The following SNX30 variants were observed in gnomAD, a reference collection of about 807,000 sequenced individuals.
The protein encoded by SNX30 is sorting nexin-30.
SNX30 carries 24 observed loss-of-function variants against 46.4 expected under a neutral mutation model. The ratio of observed to expected loss-of-function variants is 0.52; its 90% CI spans 0.37 to 0.73. The LOEUF is 0.73. Among genes scored for constraint, SNX30 ranks in the 30% least tolerant of loss-of-function variants. The probability of loss-of-function intolerance (pLI) is 0.00; values close to 1 mark genes in which losing one functional copy is unlikely to be tolerated. For synonymous variants in SNX30, 189 were observed against 211.5 expected, an observed-to-expected ratio of 0.89 and a Z score of 0.92; for missense variants, 533 against 555.7, an observed-to-expected ratio of 0.96 and a Z score of 0.41.
intron 7 of SNX30, among the ~76,000 whole-genome samples, chr9:112,862,699 C>T (rs1291512497): frequency 1.3e-5 from 2 of 151,806 alleles, no homozygotes; most frequent in African/African-American, 2.4e-5. Context: ...GCCAGGAGTT[C>T]GAGACCAGCC....
intron 2 of SNX30, among the ~76,000 whole-genome samples, chr9:112,814,027 CAT>C (rs1840359954): frequency 6.6e-6 from 1 of 152,076 alleles, no homozygotes. Context: ...AAAAGAAAAT[CAT>C]AGAGACTATA....
chr9:112,804,670 T>A (rs117383634), intron 1 of SNX30, 106 bp from the exon 2 acceptor site: 21,451 of 984,908 alleles, frequency 0.022, 317 homozygotes, highest in Non-Finnish European at 0.027. Context: ...TCGAAAGTTA[T>A]TTTTGGGTTT....
downstream of SNX30, chr9:112,878,096 C>T (rs567742866): frequency 6.6e-6 from 1 of 152,400 alleles, no homozygotes; most frequent in East Asian, 1.9e-4. Flanking sequence ...CTTGCTCACT[C>T]CTTCCACCAA....
chr9:112,876,614 C>A (rs901426089), downstream of SNX30, among the ~76,000 whole-genome samples: 4 of 151,154 alleles, frequency 2.6e-5, no homozygotes, highest in Admixed American at 2.6e-4. Context: ...GGGAAGAGAA[C>A]CAAGGACAGG....
intron 1 of SNX30, among the ~76,000 whole-genome samples, chr9:112,804,010 A>G (rs1340551374): frequency 2.5e-4 from 34 of 137,716 alleles, no homozygotes; most frequent in East Asian, 8.8e-4. Context: ...CACGGTGCGC[A>G]CACACACTGG....
chr9:112,860,086 C>T (rs934682605), intron 7 of SNX30, among the ~76,000 whole-genome samples: 14 of 152,170 alleles, frequency 9.2e-5, no homozygotes, highest in Non-Finnish European at 1.8e-4. Flanking sequence ...GTTGAGACTA[C>T]AGGAGCACAC....
intron 5 of SNX30, among the ~76,000 whole-genome samples, chr9:112,881,031 G>C (rs867209336): frequency 6.6e-6 from 1 of 152,202 alleles, no homozygotes; most frequent in Non-Finnish European, 1.5e-5. Context: ...TTAAGCCTTT[G>C]CTAATTGCAA....
At chr9:112,876,435 C>A (rs1841518296), downstream of SNX30, among the ~76,000 whole-genome samples, 1 of 151,842 alleles carries the variant, frequency 6.6e-6, no homozygotes, top group Non-Finnish European at 1.5e-5. Flanking sequence ...GCAACGTAGA[C>A]CCCGTCTCTA....
intron 2 of SNX30, among the ~76,000 whole-genome samples, chr9:112,814,756 AG>A (rs1477099069): frequency 6.6e-6 from 1 of 152,238 alleles, no homozygotes; most frequent in Non-Finnish European, 1.5e-5. Context: ...TTCTGAAAGC[AG>A]TTTGTCAATT....
intron 3 of SNX30, among the ~76,000 whole-genome samples, chr9:112,819,754 C>T (rs755327141): frequency 9.2e-5 from 14 of 152,300 alleles, no homozygotes; most frequent in East Asian, 1.9e-4. Context: ...ATTTGTCTGA[C>T]GGCTTTCCCA....
chr9:112,766,155 C>T (rs1452597952), intron 1 of SNX30, among the ~76,000 whole-genome samples: 1 of 152,126 alleles, frequency 6.6e-6, no homozygotes, highest in Admixed American at 6.6e-5. Context: ...AGTCACCATG[C>T]CGTATATTAG....
intron 8 of SNX30, among the ~76,000 whole-genome samples, chr9:112,867,529 A>G (rs1361498018): frequency 1.3e-4 from 16 of 126,834 alleles, no homozygotes; most frequent in African/African-American, 4.9e-4. Context: ...AACTCCTCCC[A>G]CCTCCTCAGA....
chr9:112,778,393 C>T (rs770296542), intron 1 of SNX30, among the ~76,000 whole-genome samples: 1 of 151,848 alleles, frequency 6.6e-6, no homozygotes, highest in Non-Finnish European at 1.5e-5. Flanking sequence ...CTGCCTCAGC[C>T]TCTCGAGTAG....
intron 1 of SNX30, among the ~76,000 whole-genome samples, chr9:112,767,749 C>A (rs1839569721): frequency 6.6e-6 from 1 of 151,996 alleles, no homozygotes; most frequent in Admixed American, 6.6e-5. Context: ...GCCACCATGT[C>A]CAGCTAATTT....
intron 4 of SNX30, among the ~76,000 whole-genome samples, chr9:112,834,796 G>A (rs191989370): frequency 2.0e-5 from 3 of 151,068 alleles, no homozygotes; most frequent in Admixed American, 1.3e-4. Context: ...AACAAGGTCT[G>A]TGGAGGTTAT....
intron 3 of SNX30, among the ~76,000 whole-genome samples, chr9:112,818,436 G>A (rs1840439743): frequency 6.6e-6 from 1 of 152,110 alleles, no homozygotes; most frequent in South Asian, 2.1e-4. Flanking sequence ...TGCCATATTG[G>A]CCAGGCTGGT....
intron 2 of SNX30, among the ~76,000 whole-genome samples, chr9:112,808,927 ATAC>A (rs1435617914): frequency 1.3e-5 from 2 of 152,228 alleles, no homozygotes; most frequent in African/African-American, 4.8e-5. Flanking sequence ...GTAGATATAA[ATAC>A]TATTATCTTA....
At position 112,823,957 on chromosome 9, in the gene SNX30, A is replaced by G. The variant is rs917145737; in HGVS notation, c.459+6142A>G. On this transcript the variant is annotated intron_variant, in intron 3 of 8. Transcript: ENST00000374232. Reference sequence around the variant, plus strand: ...ATGCTCCTTTATTTATTTGGTAGTAATTTTTGCTTAGAAGCAGTATTTTCT... The same window carrying G: ...ATGCTCCTTTATTTATTTGGTAGTAGTTTTTGCTTAGAAGCAGTATTTTCT... Among the ~76,000 whole-genome samples the G allele has an allele frequency of 2.0e-5, 3 of 152,128 alleles. No homozygotes were observed. In the East Asian group the frequency reaches 5.8e-4, roughly 29 times the overall value.
intron 1 of SNX30, among the ~76,000 whole-genome samples, chr9:112,759,695 C>G (rs1293254867): frequency 6.7e-6 from 1 of 149,604 alleles, no homozygotes; most frequent in East Asian, 2.0e-4. Context: ...CGCCACTGCA[C>G]TCTAGCCTGG....
Sources: allele counts gnomAD v4.1 joint callset (sites outside exome capture counted in the v4.1 genomes callset), GRCh38; gene constraint gnomAD v4.1.1; transcripts MANE v1.5; gene names NCBI Gene and HGNC (gene_info 2026-07-23, HGNC 2026-07-21).